Variants in APBB2 observed in about 807,000 individuals in gnomAD.
APBB2 encodes the protein amyloid beta precursor protein binding family B member 2.
Under a neutral mutation model 82.5 loss-of-function variants are expected in APBB2, and 38 were observed. The ratio of observed to expected loss-of-function variants is 0.46; its 90% CI spans 0.36 to 0.60. The LOEUF is 0.60. Among genes scored for constraint, APBB2 ranks in the 20% least tolerant of loss-of-function variants. The probability of loss-of-function intolerance (pLI) is 0.00; values close to 1 mark genes in which losing one functional copy is unlikely to be tolerated. For missense variants in APBB2, 772 were observed against 972.3 expected (o/e 0.79, Z 2.74); for synonymous variants, 341 against 368.2 (o/e 0.93, Z 0.85).
chr4:41,165,048 T>C (rs1168875927), intron 1 of APBB2, among the ~76,000 whole-genome samples: 1 of 152,204 alleles, frequency 6.6e-6, no homozygotes, highest in African/African-American at 2.4e-5. Flanking sequence ...AATAAACCAC[T>C]TCCCAAAGCC....
intron 12 of APBB2, among the ~76,000 whole-genome samples, chr4:40,849,097 A>G (rs1462505046): frequency 1.3e-5 from 2 of 152,130 alleles, no homozygotes; most frequent in Non-Finnish European, 2.9e-5. Context: ...GTTGGTAAGA[A>G]GCTAAGGGAA....
intron 6 of APBB2, among the ~76,000 whole-genome samples, chr4:40,982,221 GGAAAGAAAGAAA>G (rs1553893376): frequency 2.3e-4 from 3 of 12,906 alleles, no homozygotes; most frequent in South Asian, 3.3e-3. Flanking sequence ...AGAAAAGAAA[GGAAAGAAAGAAA>G]GAAAGAAAGA....
chr4:40,820,249 C>T (rs201007662), intron 17 of APBB2, among the ~76,000 whole-genome samples: 4 of 152,236 alleles, frequency 2.6e-5, no homozygotes, highest in East Asian at 3.8e-4. Context: ...CTAGCGTGGA[C>T]GCTCCTCCTC....
At position 41,127,985 on chromosome 4, in the gene APBB2, C is replaced by T. The variant is rs1754860941; in HGVS notation, c.-261+15002G>A. On this transcript the variant is annotated intron_variant, in intron 2 of 17. Coordinates refer to ENST00000508593, the MANE Select transcript of APBB2 (RefSeq NM_004307.2). The surrounding 1 kb of genome is among the most constrained non-coding windows in gnomAD (Gnocchi z 4.8). ...ATCCCAGCTACCTGGGAGACTGAAG[C>T]ATGAGAATCGCTTGAACCCAGGAGG... Among the ~76,000 whole-genome samples the T allele has an allele frequency of 6.6e-6, 1 of 152,074 alleles. No homozygotes were observed. The highest frequency in any genetic ancestry group is 2.1e-4 in the South Asian group (1 of 4,826).
At chr4:40,827,946 G>A (rs1372899616) in intron 13 of APBB2, among the ~76,000 whole-genome samples, 3 of 152,126 alleles carry the variant, frequency 2.0e-5, no homozygotes, top group East Asian at 1.9e-4. Context: ...CCCCCATACT[G>A]TTCTCGTGGT....
At chr4:41,063,408 G>C (rs1324766348) in intron 4 of APBB2, among the ~76,000 whole-genome samples, 2 of 152,216 alleles carry the variant, frequency 1.3e-5, no homozygotes, top group Admixed American at 1.3e-4. Flanking sequence ...ACAGGGTACA[G>C]GTGTAAACTT....
intron 13 of APBB2, among the ~76,000 whole-genome samples, chr4:40,830,199 A>AACACACACACACAC (rs748831202): frequency 6.7e-6 from 1 of 149,810 alleles, no homozygotes; most frequent in African/African-American, 2.5e-5. Flanking sequence ...GACTTGGCTG[A>AACACACACACACAC]ACACACACAC....
At chr4:41,010,318 A>G (rs991857038) in intron 6 of APBB2, among the ~76,000 whole-genome samples, 27 of 152,174 alleles carry the variant, frequency 1.8e-4, no homozygotes, top group Non-Finnish European at 2.8e-4. Context: ...CAACTTATCA[A>G]GGGCCACCAT....
chr4:41,137,500 TACTCTAACA>T (rs1757908770), intron 2 of APBB2, among the ~76,000 whole-genome samples: 1 of 152,162 alleles, frequency 6.6e-6, no homozygotes, highest in Admixed American at 6.5e-5. Flanking sequence ...CAAATACTAG[TACTCTAACA>T]CAGTGACTCA....
At chr4:41,041,212 G>T (rs1721344974) in intron 4 of APBB2, among the ~76,000 whole-genome samples, 1 of 151,918 alleles carries the variant, frequency 6.6e-6, no homozygotes, top group Non-Finnish European at 1.5e-5. Flanking sequence ...CTCTGGGGGT[G>T]GGTTTTAAAG....
intron 4 of APBB2, among the ~76,000 whole-genome samples, chr4:41,035,866 G>C (rs114766556): frequency 0.012 from 1,870 of 152,196 alleles, 44 homozygotes; most frequent in African/African-American, 0.043. Context: ...CAGTAATCTA[G>C]AGTTGATTTA....
intron 10 of APBB2, among the ~76,000 whole-genome samples, chr4:40,897,459 A>G (rs1773984827): frequency 6.6e-6 from 1 of 152,156 alleles, no homozygotes; most frequent in African/African-American, 2.4e-5. Context: ...CGGAGGCTGC[A>G]GTGAGCCGAG....
chr4:41,129,677 T>C (rs1426537618), intron 2 of APBB2, among the ~76,000 whole-genome samples: 1 of 152,144 alleles, frequency 6.6e-6, no homozygotes, highest in Non-Finnish European at 1.5e-5. Context: ...AAGCCACTTA[T>C]TCATTCCTTC....
At chr4:41,196,557 G>C in intron 1 of APBB2, among the ~76,000 whole-genome samples, 1 of 147,958 alleles carries the variant, frequency 6.8e-6, no homozygotes, top group Non-Finnish European at 1.5e-5. Flanking sequence ...CCCACATCCA[G>C]TGCTGGTCTT....
intron 12 of APBB2, among the ~76,000 whole-genome samples, chr4:40,846,590 C>T (rs937433067): frequency 2.6e-5 from 4 of 152,270 alleles, no homozygotes; most frequent in South Asian, 4.1e-4. Flanking sequence ...CATGAACAAC[C>T]GTCTCTGACC....
chr4:40,902,275 A>G (rs1775519746), intron 10 of APBB2, among the ~76,000 whole-genome samples: 1 of 152,182 alleles, frequency 6.6e-6, no homozygotes. Context: ...ATCAACACGT[A>G]TTGTATGTGT....
chr4:41,204,124 T>C (rs576556695), intron 1 of APBB2, among the ~76,000 whole-genome samples: 8 of 152,140 alleles, frequency 5.3e-5, no homozygotes, highest in Non-Finnish European at 8.8e-5. Flanking sequence ...TCGCAGGCAA[T>C]GGCAACAGGG....
chr4:40,871,921 C>A (rs1765613415), intron 12 of APBB2, among the ~76,000 whole-genome samples: 1 of 152,082 alleles, frequency 6.6e-6, no homozygotes, highest in Admixed American at 6.5e-5. Context: ...TAGTGACAAC[C>A]CGAGGTTGAA....
intron 4 of APBB2, among the ~76,000 whole-genome samples, chr4:41,048,128 T>C (rs1724112297): frequency 6.6e-6 from 1 of 152,214 alleles, no homozygotes. Context: ...ATTTGGCAGT[T>C]TTCTTAATGA....
Sources: allele counts gnomAD v4.1 joint callset (sites outside exome capture counted in the v4.1 genomes callset), GRCh38; gene constraint gnomAD v4.1.1; non-coding constraint Gnocchi (gnomAD v3.1); transcripts MANE v1.5; gene names NCBI Gene and HGNC (gene_info 2026-07-23, HGNC 2026-07-21).